Variants in ENOX1 observed in about 807,000 individuals in gnomAD.
The protein encoded by ENOX1 is ecto-NOX disulfide-thiol exchanger 1, also known as candidate growth-related and time keeping constitutive hydroquinone (NADH) oxidase.
In ENOX1, 42 loss-of-function variants were observed where a neutral mutation model predicts 82.5. The observed-to-expected ratio is 0.51, with a 90% CI of 0.40 to 0.66. The LOEUF is 0.66. ENOX1 is among the 30% of genes least tolerant of loss of function. ENOX1 has a pLI of 0.00. For missense variants in ENOX1, 608 were observed against 811.6 expected, an observed-to-expected ratio of 0.75 and a Z score of 3.05; for synonymous variants, 271 against 282.2, an observed-to-expected ratio of 0.96 and a Z score of 0.40.
intron 2 of ENOX1, among the ~76,000 whole-genome samples, chr13:43,660,845 T>C (rs754635798): frequency 1.8e-4 from 27 of 152,202 alleles, no homozygotes; most frequent in Non-Finnish European, 2.1e-4. Context: ...AAGTGATCAA[T>C]TGATTGGGGA....
intron 7 of ENOX1, among the ~76,000 whole-genome samples, 157 bp from the exon 8 acceptor site, chr13:43,356,309 C>G (rs1248452526): frequency 6.6e-6 from 1 of 152,138 alleles, no homozygotes; most frequent in African/African-American, 2.4e-5. Context: ...ATCCTTTTCC[C>G]CAGCAATCTT....
chr13:43,261,971 C>T (rs1166626097), intron 14 of ENOX1, among the ~76,000 whole-genome samples: 1 of 150,870 alleles, frequency 6.6e-6, no homozygotes, highest in African/African-American at 2.4e-5. Flanking sequence ...CACATGTACC[C>T]TAAAACTTAA....
intron 2 of ENOX1, among the ~76,000 whole-genome samples, chr13:43,577,753 G>C (rs997544614): frequency 6.6e-6 from 1 of 152,152 alleles, no homozygotes; most frequent in African/African-American, 2.4e-5. Flanking sequence ...CATTAACCAT[G>C]CAGATTGTAG....
chr13:43,380,663 T>C (rs2153574842), intron 5 of ENOX1, among the ~76,000 whole-genome samples: 1 of 151,632 alleles, frequency 6.6e-6, no homozygotes, highest in African/African-American at 2.4e-5. Flanking sequence ...TATAAGAAAC[T>C]CACTTTTAAT....
At chr13:43,400,455 A>G (rs1355955311) in intron 5 of ENOX1, among the ~76,000 whole-genome samples, 3 of 152,162 alleles carry the variant, frequency 2.0e-5, no homozygotes, top group Non-Finnish European at 4.4e-5. Context: ...TAAACTTTAA[A>G]AATTCCAAGT....
intron 9 of ENOX1, among the ~76,000 whole-genome samples, chr13:43,341,782 C>T (rs1426406085): frequency 2.6e-5 from 4 of 152,168 alleles, no homozygotes; most frequent in African/African-American, 9.6e-5. Context: ...ATTATGAGAA[C>T]TCCAATTTTA....
chr13:43,352,591 G>T (rs1392748191), intron 8 of ENOX1, among the ~76,000 whole-genome samples: 1 of 152,182 alleles, frequency 6.6e-6, no homozygotes, highest in East Asian at 1.9e-4. Flanking sequence ...TAAACTTTGG[G>T]TTTCTGAGCA....
intron 1 of ENOX1, among the ~76,000 whole-genome samples, chr13:43,668,362 G>C (rs942689001): frequency 6.6e-6 from 1 of 152,100 alleles, no homozygotes; most frequent in Non-Finnish European, 1.5e-5. Flanking sequence ...AGGTTGCCCC[G>C]AACTTCAAGA....
At chr13:43,230,072 G>C (rs967467100) in intron 15 of ENOX1, among the ~76,000 whole-genome samples, 1 of 152,206 alleles carries the variant, frequency 6.6e-6, no homozygotes, top group African/African-American at 2.4e-5. Context: ...CTGAAGGCTG[G>C]AGAAGCCCAA....
intron 9 of ENOX1, among the ~76,000 whole-genome samples, chr13:43,338,786 C>T (rs963277928): frequency 3.4e-5 from 5 of 148,106 alleles, no homozygotes; most frequent in South Asian, 2.3e-4. Context: ...CCCAGGTTCA[C>T]GCCATTCTCC....
chr13:43,565,893 A>G (rs1019120451), intron 2 of ENOX1, among the ~76,000 whole-genome samples: 13 of 152,162 alleles, frequency 8.5e-5, no homozygotes, highest in Admixed American at 8.5e-4. Flanking sequence ...ATCATTCTGA[A>G]AAACAAAACA....
intron 12 of ENOX1, among the ~76,000 whole-genome samples, chr13:43,275,798 TG>T (rs1325964364): frequency 6.6e-6 from 1 of 152,226 alleles, no homozygotes; most frequent in Non-Finnish European, 1.5e-5. Context: ...CTCTAGATGC[TG>T]GGTCACAAAA....
intron 2 of ENOX1, among the ~76,000 whole-genome samples, chr13:43,608,541 G>A (rs983500548): frequency 4.6e-5 from 7 of 152,080 alleles, no homozygotes; most frequent in African/African-American, 1.7e-4. Flanking sequence ...CTGATGTTCT[G>A]GGCCACAACA....
chr13:43,442,118 C>T (rs901841560), intron 3 of ENOX1, among the ~76,000 whole-genome samples: 2 of 152,070 alleles, frequency 1.3e-5, no homozygotes, highest in Admixed American at 1.3e-4. Flanking sequence ...ATAGAGGAGC[C>T]GAGTCGGACT....
At chr13:43,777,570 TCTCA>T (rs1269476406) in intron 1 of ENOX1, among the ~76,000 whole-genome samples, 5 of 149,094 alleles carry the variant, frequency 3.4e-5, no homozygotes, top group Non-Finnish European at 5.9e-5. Context: ...TGAGACGGAG[TCTCA>T]CTCTGTTGCC....
chr13:43,485,567 G>C (rs972136474), intron 2 of ENOX1, among the ~76,000 whole-genome samples: 9 of 152,172 alleles, frequency 5.9e-5, no homozygotes, highest in African/African-American at 2.2e-4. Context: ...TACAGAACCA[G>C]AGCCTAGGAT....
chr13:43,323,678 G>C (rs1208700234), intron 10 of ENOX1, among the ~76,000 whole-genome samples: 1 of 152,056 alleles, frequency 6.6e-6, no homozygotes, highest in Admixed American at 6.5e-5. Flanking sequence ...CCTCTGTAAA[G>C]TCTCTAAATA....
chr13:43,731,005 G>A (rs2089308231), intron 1 of ENOX1, among the ~76,000 whole-genome samples: 1 of 152,022 alleles, frequency 6.6e-6, no homozygotes, highest in African/African-American at 2.4e-5. Flanking sequence ...TCATCCTTGG[G>A]GGCAGAGGCA....
At chr13:43,346,028 C>T (rs1388559333) in intron 8 of ENOX1, among the ~76,000 whole-genome samples, 1 of 152,164 alleles carries the variant, frequency 6.6e-6, no homozygotes, top group Non-Finnish European at 1.5e-5. Flanking sequence ...TTTCGTTTCA[C>T]TCACCAGATT....
Sources: allele counts gnomAD v4.1 joint callset (sites outside exome capture counted in the v4.1 genomes callset), GRCh38; gene constraint gnomAD v4.1.1; transcripts MANE v1.5; gene names NCBI Gene and HGNC (gene_info 2026-07-23, HGNC 2026-07-21).